TMEM132B: variants seen among roughly 807,000 people sequenced by gnomAD.
TMEM132B encodes the protein transmembrane protein 132B.
In TMEM132B, 18 loss-of-function variants were observed where a neutral mutation model predicts 90.8. That is an observed-to-expected ratio of 0.20 (90% CI 0.14 to 0.29). The LOEUF is 0.29. TMEM132B is among the 10% of genes least tolerant of loss of function. The pLI, the probability that TMEM132B is intolerant of heterozygous loss-of-function variation, is 1.00. For synonymous variants in TMEM132B, 504 were observed against 523.3 expected, an observed-to-expected ratio of 0.96 and a Z score of 0.50; for missense variants, 1,096 against 1,326.8, an observed-to-expected ratio of 0.83 and a Z score of 2.70.
intron 1 of TMEM132B, among the ~76,000 whole-genome samples, chr12:125,331,763 A>G (rs1876780762): frequency 6.6e-6 from 1 of 152,102 alleles, no homozygotes; most frequent in African/African-American, 2.4e-5. Flanking sequence ...TATTTATTTG[A>G]TACATTTGGA....
chr12:125,327,867 C>T (rs545171184), intron 1 of TMEM132B, among the ~76,000 whole-genome samples: 2 of 152,316 alleles, frequency 1.3e-5, no homozygotes, highest in South Asian at 4.1e-4. Flanking sequence ...GCGGGCTCTA[C>T]ATAGCTAAGA....
intron 2 of TMEM132B, among the ~76,000 whole-genome samples, chr12:125,361,188 G>A (rs1173355772): frequency 6.6e-6 from 1 of 151,912 alleles, no homozygotes; most frequent in African/African-American, 2.4e-5. Flanking sequence ...CCTGTCACAT[G>A]CAGGGCTTGC....
intron 4 of TMEM132B, among the ~76,000 whole-genome samples, chr12:125,533,180 C>G (rs1013122329): frequency 2.0e-5 from 3 of 152,180 alleles, no homozygotes; most frequent in African/African-American, 4.8e-5. Flanking sequence ...AATATAATTC[C>G]TACCAGAAGC....
At chr12:125,462,008 C>A (rs770547222) in intron 3 of TMEM132B, among the ~76,000 whole-genome samples, 15 of 152,230 alleles carry the variant, frequency 9.9e-5, no homozygotes, top group Non-Finnish European at 2.1e-4. Context: ...CATATTTGAA[C>A]CAGTCACTGT....
At chr12:125,592,172 T>G (rs1885332162) in intron 5 of TMEM132B, among the ~76,000 whole-genome samples, 1 of 152,224 alleles carries the variant, frequency 6.6e-6, no homozygotes, top group Non-Finnish European at 1.5e-5. Flanking sequence ...TGATTTAATC[T>G]TTATGTGTCT....
intron 3 of TMEM132B, among the ~76,000 whole-genome samples, chr12:125,454,392 T>TGTTTGTGTGTG (rs1555250638): frequency 2.7e-5 from 3 of 112,082 alleles, no homozygotes; most frequent in African/African-American, 8.5e-5. Context: ...GTGTGTGTGT[T>TGTTTGTGTGTG]TGTGTGTGTG....
intron 1 of TMEM132B, among the ~76,000 whole-genome samples, chr12:125,195,142 T>C (rs1872896211): frequency 6.6e-6 from 1 of 152,136 alleles, no homozygotes. Context: ...CTTCCTGCCT[T>C]CCTGCCTTTG....
intron 1 of TMEM132B, among the ~76,000 whole-genome samples, chr12:125,306,640 CCTT>C (rs1875976539): frequency 6.6e-6 from 1 of 152,212 alleles, no homozygotes; most frequent in African/African-American, 2.4e-5. Context: ...GAAATTAACT[CCTT>C]CTCCTTCCCT....
chr12:125,295,176 A>C (rs1306797515), intron 1 of TMEM132B, among the ~76,000 whole-genome samples: 1 of 152,224 alleles, frequency 6.6e-6, no homozygotes, highest in Non-Finnish European at 1.5e-5. Context: ...AAAAAGGAAA[A>C]AAAGCTCATT....
In TMEM132B at chr12:125,351,861, T is replaced by C. The variant is rs150800474; in HGVS notation, c.959+1518T>C. Among the ~76,000 whole-genome samples, 339 of 152,334 alleles carry C rather than the reference T, an allele frequency of 2.2e-3. 1 individual carries two copies. The highest frequency in any genetic ancestry group is 7.8e-3 in the African/African-American group (324 of 41,572). Reference sequence around the variant, plus strand: ...ATTCATCTGCTATTATGGAAGTGAATTGCAGCTGCTGTCATGAAGCAGCAA... The same window carrying C: ...ATTCATCTGCTATTATGGAAGTGAACTGCAGCTGCTGTCATGAAGCAGCAA... On this transcript the variant is annotated intron_variant, in intron 2 of 8. Coordinates refer to ENST00000682704, the MANE Select transcript of TMEM132B (RefSeq NM_001366854.1).
intron 2 of TMEM132B, among the ~76,000 whole-genome samples, chr12:125,396,119 C>T (rs890574136): frequency 6.6e-6 from 1 of 152,202 alleles, no homozygotes; most frequent in Non-Finnish European, 1.5e-5. Flanking sequence ...ACTACCTGGA[C>T]TGAGTGTGAG....
At chr12:125,303,019 C>T (rs1244097908) in intron 1 of TMEM132B, among the ~76,000 whole-genome samples, 1 of 152,098 alleles carries the variant, frequency 6.6e-6, no homozygotes, top group Non-Finnish European at 1.5e-5. Context: ...ATCGCTTGAA[C>T]CCAGGAGGCA....
intron 1 of TMEM132B, among the ~76,000 whole-genome samples, chr12:125,298,984 C>T (rs1261431462): frequency 3.9e-5 from 6 of 152,102 alleles, no homozygotes; most frequent in East Asian, 2.0e-4. Context: ...CTGCCTGCCT[C>T]GGCCTCCCAA....
chr12:125,245,130 C>T (rs951662599), intron 1 of TMEM132B, among the ~76,000 whole-genome samples: 2 of 152,230 alleles, frequency 1.3e-5, no homozygotes, highest in Non-Finnish European at 2.9e-5. Context: ...AAGGCAACAA[C>T]AAAAGTACTT....
intron 1 of TMEM132B, among the ~76,000 whole-genome samples, chr12:125,273,640 C>T (rs1874906697): frequency 1.3e-5 from 2 of 152,098 alleles, no homozygotes; most frequent in Admixed American, 1.3e-4. Context: ...GGGTGATGTA[C>T]ATACAGTAAC....
At chr12:125,412,003 C>T (rs1879860902) in intron 2 of TMEM132B, among the ~76,000 whole-genome samples, 1 of 152,118 alleles carries the variant, frequency 6.6e-6, no homozygotes, top group African/African-American at 2.4e-5. Flanking sequence ...TGTGTTTCCT[C>T]AGCCCCTGCC....
chr12:125,330,490 A>G (rs1876734949), intron 1 of TMEM132B, among the ~76,000 whole-genome samples: 1 of 152,080 alleles, frequency 6.6e-6, no homozygotes, highest in Admixed American at 6.5e-5. Context: ...TTACAAAGAA[A>G]GAAAAAAAAT....
chr12:125,644,334 T>C, intron 6 of TMEM132B, 53 bp downstream of exon 6: 1 of 1,585,560 alleles, frequency 6.3e-7, no homozygotes, highest in African/African-American at 1.3e-5. Context: ...GTCCAGATCT[T>C]TGTGGGAGGC....
At chr12:125,263,531 C>G (rs1156349299) in intron 1 of TMEM132B, among the ~76,000 whole-genome samples, 1 of 152,200 alleles carries the variant, frequency 6.6e-6, no homozygotes, top group African/African-American at 2.4e-5. Context: ...GGAGTAGTGC[C>G]TAGCACATGT....
Sources: gnomAD v4.1 joint callset for allele counts (sites outside exome capture counted in the v4.1 genomes callset) on GRCh38, gnomAD v4.1.1 for gene constraint, MANE v1.5 for transcripts, NCBI Gene and HGNC (gene_info 2026-07-23, HGNC 2026-07-21) for gene names.